Variants in ALMS1 observed in about 807,000 individuals in gnomAD.
ALMS1 encodes centrosome-associated protein ALMS1.
In ALMS1, 271 loss-of-function variants were observed where a neutral mutation model predicts 352.2. The observed-to-expected ratio is 0.77, with a 90% CI of 0.70 to 0.85. The LOEUF is 0.85. Among genes scored for constraint, ALMS1 ranks in the 40% least tolerant of loss-of-function variants. The pLI is 0.00. For synonymous variants in ALMS1, 1,865 were observed against 1,761.2 expected, an observed-to-expected ratio of 1.06 and a Z score of -1.48; for missense variants, 5,445 against 4,870.7, an observed-to-expected ratio of 1.12 and a Z score of -3.51.
chr2:73,421,556 A>C (rs1450328674), intron 3 of ALMS1, among the ~76,000 whole-genome samples: 1 of 152,118 alleles, frequency 6.6e-6, no homozygotes, highest in Non-Finnish European at 1.5e-5. Context: ...TTTCATTTTT[A>C]ATTAATTCAT....
rs574938312 is a variant in ALMS1, at chr2:73,543,523, A to C, written c.9908-6744A>C. Among the ~76,000 whole-genome samples, 406 of 152,324 alleles carry C rather than the reference A, an allele frequency of 2.7e-3. 1 individual carries two copies. The highest frequency in any genetic ancestry group is 8.4e-3 in the African/African-American group (351 of 41,574). On this transcript the variant is annotated intron_variant, in intron 12 of 22. Coordinates refer to ENST00000613296, the MANE Select transcript of ALMS1 (RefSeq NM_001378454.1). ...AAGCCAAAATTGACAAATGGGATCT[A>C]ATTAAACTAAAGAGCTTCTGCACAG...
chr2:73,496,876 G>A (rs1313274277), intron 10 of ALMS1, among the ~76,000 whole-genome samples: 4 of 152,020 alleles, frequency 2.6e-5, no homozygotes, highest in East Asian at 1.9e-4. Context: ...CATCCTCTTC[G>A]GTGAAGTGCT....
chr2:73,393,791 A>G (rs992324369), intron 1 of ALMS1, among the ~76,000 whole-genome samples: 11 of 150,424 alleles, frequency 7.3e-5, no homozygotes, highest in Non-Finnish European at 3.0e-5. Flanking sequence ...TCATTGATCT[A>G]TATGCCCACC....
At chr2:73,608,431 G>A (rs757899820) in intron 21 of ALMS1, 44 bp from the exon 22 acceptor site, 8 of 1,512,066 alleles carry the variant, frequency 5.3e-6, no homozygotes, top group Non-Finnish European at 7.3e-6. Context: ...CTGCACCCTG[G>A]TAACCTCCCC....
chr2:73,483,715 T>C (rs1397293955), intron 9 of ALMS1, among the ~76,000 whole-genome samples: 1 of 150,180 alleles, frequency 6.7e-6, no homozygotes, highest in Admixed American at 6.6e-5. Context: ...TCTAAGTCTC[T>C]TTGTAGGTCA....
At chr2:73,546,605 A>G (rs1239503461) in intron 12 of ALMS1, among the ~76,000 whole-genome samples, 1 of 152,240 alleles carries the variant, frequency 6.6e-6, no homozygotes, top group Non-Finnish European at 1.5e-5. Flanking sequence ...GTTCCAAGAT[A>G]AACAAGTAGA....
In ALMS1 at chr2:73,491,019, C is replaced by A; in HGVS notation, c.9060C>A (p.Val3020=). ...TTGAAGCCAAGTTCAATACTGTGGT[C>A]TCCCAGTCAGCCCCAAATCACTGTA... ...INVEAKFNTV[V]SQSAPNHCTL... Residue 3020 remains valine, a synonymous_variant, in exon 10 of 23, where the codon GTC becomes GTA. Coordinates refer to ENST00000613296, the MANE Select transcript of ALMS1 (RefSeq NM_001378454.1). 6.2e-7 allele frequency: 1 copy of A among 1,614,226 alleles called. No individual in the cohort carries two copies. Among genetic ancestry groups the A allele is most frequent in the Non-Finnish European group, 8.5e-7 (1 of 1,180,032 alleles).
In ALMS1 at chr2:73,450,619, T is replaced by G; in HGVS notation, c.4092T>G (p.Ser1364=). ...AGGCTCTGAAAATTTCAGTTGCCTCTGAACCAGTTGACCAGACAACTGGCA... is the reference window on the plus strand; with the variant it reads ...AGGCTCTGAAAATTTCAGTTGCCTCGGAACCAGTTGACCAGACAACTGGCA... ...TEEALKISVA[S]EPVDQTTGTP... Residue 1364 remains serine (S), a synonymous_variant, in exon 8 of 23, where the codon TCT becomes TCG. Coordinates refer to ENST00000613296, the MANE Select transcript of ALMS1 (RefSeq NM_001378454.1). 1 of 1,613,190 alleles carries G rather than the reference T, an allele frequency of 6.2e-7. No homozygotes were observed. Among genetic ancestry groups the G allele is most frequent in the Non-Finnish European group, 8.5e-7 (1 of 1,179,834 alleles).
chr2:73,409,301 A>G (rs566255456), intron 2 of ALMS1, among the ~76,000 whole-genome samples: 55 of 151,906 alleles, frequency 3.6e-4, no homozygotes, highest in Non-Finnish European at 6.2e-4. Context: ...TTTTATAGAG[A>G]TGGGAGTCTC....
intron 15 of ALMS1, among the ~76,000 whole-genome samples, chr2:73,565,876 G>C (rs1674791726): frequency 6.6e-6 from 1 of 152,160 alleles, no homozygotes; most frequent in Middle Eastern, 3.2e-3. Context: ...GGATGCCTAA[G>C]AAATTCTCAC....
At chr2:73,470,580 A>G (rs1672446920) in intron 9 of ALMS1, 1 of 151,830 alleles carries the variant, frequency 6.6e-6, no homozygotes, top group Non-Finnish European at 1.5e-5. Flanking sequence ...GACTTGTTTT[A>G]TGACTTAATA....
rs192952989 is a variant in ALMS1, at chr2:73,601,528, G to T, written c.12114+92G>T. ...TGGCTCTGTGACTTGGTGAGCTGAG[G>T]TGTAGGCCTGAGACGCTCTTTTCCA... is the stretch of plus-strand genomic sequence containing the variant. On this transcript the variant is annotated intron_variant, in intron 19 of 22. Coordinates refer to ENST00000613296, the MANE Select transcript of ALMS1 (RefSeq NM_001378454.1). 5.6e-5 allele frequency: 86 copies of T among 1,548,406 alleles called. 1 individual carries two copies. The Admixed American group carries it at 1.6e-3, about 29-fold the overall frequency.
intron 11 of ALMS1, among the ~76,000 whole-genome samples, chr2:73,528,240 C>T (rs963085130): frequency 2.6e-5 from 4 of 152,094 alleles, no homozygotes; most frequent in Admixed American, 2.6e-4. Flanking sequence ...ATGAAATGTT[C>T]TGTAAATATC....
At chr2:73,481,770 T>A (rs1246091) in intron 9 of ALMS1, among the ~76,000 whole-genome samples, 76,971 of 150,808 alleles carry the variant, frequency 0.51, 22,568 homozygotes, top group East Asian at 0.77. Context: ...TGGTTTGTAG[T>A]TCTCCTTGAA....
chr2:73,395,635 T>C (rs1446650149), intron 1 of ALMS1, among the ~76,000 whole-genome samples: 3 of 152,194 alleles, frequency 2.0e-5, no homozygotes. Flanking sequence ...TATATATTAA[T>C]ATTGTTTCTG....
intron 12 of ALMS1, among the ~76,000 whole-genome samples, chr2:73,542,381 A>C (rs1041054946): frequency 6.6e-6 from 1 of 152,180 alleles, no homozygotes; most frequent in African/African-American, 2.4e-5. Context: ...AAATAATAAG[A>C]GCTATCTATG....
intron 1 of ALMS1, among the ~76,000 whole-genome samples, chr2:73,391,354 C>A (rs1172770243): frequency 7.5e-6 from 1 of 133,662 alleles, no homozygotes; most frequent in Non-Finnish European, 1.5e-5. Context: ...AGTGCAGTGG[C>A]GCAATCTCGG....
At chr2:73,389,770 A>C (rs1050342425) in intron 1 of ALMS1, among the ~76,000 whole-genome samples, 4 of 151,942 alleles carry the variant, frequency 2.6e-5, no homozygotes, top group African/African-American at 9.7e-5. Flanking sequence ...GTTCACTGCA[A>C]CCTCTGCCTC....
Position 73,550,257 on chromosome 2 carries a change from T to G in ALMS1, c.9908-10T>G. 2 of 1,613,960 alleles carry G rather than the reference T, an allele frequency of 1.2e-6. No individual in the cohort carries two copies. Among genetic ancestry groups the G allele is most frequent in the Non-Finnish European group, 1.7e-6 (2 of 1,179,934 alleles). On this transcript the variant is annotated splice_polypyrimidine_tract_variant and intron_variant, in intron 12 of 22. Coordinates refer to ENST00000613296, the MANE Select transcript of ALMS1 (RefSeq NM_001378454.1). ...TTTGTGTTTTGTATTACTTCCCCGTTTTTCTGTAGGATCCAATGATGCCAT... is the reference window on the plus strand; with the variant it reads ...TTTGTGTTTTGTATTACTTCCCCGTGTTTCTGTAGGATCCAATGATGCCAT...
Sources: gnomAD v4.1 joint callset for allele counts (sites outside exome capture counted in the v4.1 genomes callset) on GRCh38, gnomAD v4.1.1 for gene constraint, MANE v1.5 for transcripts, NCBI Gene and HGNC (gene_info 2026-07-23, HGNC 2026-07-21) for gene names.